SESN1: variants seen among roughly 807,000 people sequenced by gnomAD.
SESN1 encodes sestrin-1.
In SESN1, 30 loss-of-function variants were observed where a neutral mutation model predicts 59.3. That is an observed-to-expected ratio of 0.51 (90% CI 0.38 to 0.69). The LOEUF is 0.69. Among genes scored for constraint, SESN1 ranks in the 30% least tolerant of loss-of-function variants. The probability of loss-of-function intolerance (pLI) is 0.00; values close to 1 mark genes in which losing one functional copy is unlikely to be tolerated. For synonymous variants in SESN1, 197 were observed against 219.9 expected, an observed-to-expected ratio of 0.90 and a Z score of 0.92; for missense variants, 566 against 673.0, an observed-to-expected ratio of 0.84 and a Z score of 1.76.
intron 1 of SESN1, among the ~76,000 whole-genome samples, chr6:109,087,591 A>C (rs1781234746): frequency 6.6e-6 from 1 of 152,214 alleles, no homozygotes; most frequent in Admixed American, 6.5e-5. Context: ...AGAGAAGCTT[A>C]GTGTAAATAT....
intron 1 of SESN1, among the ~76,000 whole-genome samples, chr6:109,013,344 G>A (rs1178268044): frequency 6.6e-6 from 1 of 152,252 alleles, no homozygotes; most frequent in East Asian, 1.9e-4. Context: ...CAATGGGAAG[G>A]GAGAGAAGTG....
At chr6:109,006,953 GA>G (rs1309801815) in intron 1 of SESN1, among the ~76,000 whole-genome samples, 1 of 152,162 alleles carries the variant, frequency 6.6e-6, no homozygotes, top group Non-Finnish European at 1.5e-5. Flanking sequence ...GATTCTAGGA[GA>G]CAGAACTGCC....
At chr6:109,051,763 G>T (rs775605226) in intron 1 of SESN1, among the ~76,000 whole-genome samples, 1 of 152,248 alleles carries the variant, frequency 6.6e-6, no homozygotes, top group Admixed American at 6.5e-5. Context: ...CACAGTTCTG[G>T]AGGCTGGAAA....
chr6:109,024,934 C>T (rs1010047426), intron 1 of SESN1, among the ~76,000 whole-genome samples: 1 of 152,064 alleles, frequency 6.6e-6, no homozygotes, highest in Non-Finnish European at 1.5e-5. Context: ...TTAAAATGGC[C>T]GAACTGGCAA....
chr6:109,092,767 T>C (rs1781344375), intron 1 of SESN1, among the ~76,000 whole-genome samples: 1 of 152,194 alleles, frequency 6.6e-6, no homozygotes, highest in Non-Finnish European at 1.5e-5. Flanking sequence ...TTAATTCCTC[T>C]CGGGTAACTC....
At chr6:109,008,905 A>G in intron 1 of SESN1, 1 of 987,036 alleles carries the variant, frequency 1.0e-6, no homozygotes, top group Non-Finnish European at 1.2e-6. Context: ...TCTTTTAAGT[A>G]GGAGGCAAAG....
At chr6:109,048,363 C>T (rs1780485808) in intron 1 of SESN1, among the ~76,000 whole-genome samples, 1 of 152,188 alleles carries the variant, frequency 6.6e-6, no homozygotes, top group South Asian at 2.1e-4. Flanking sequence ...TTGAGATCTG[C>T]ACCACAGTAT....
chr6:108,988,776 G>T (rs761095661), intron 8 of SESN1, 89 bp from the exon 9 acceptor site: 2 of 1,041,178 alleles, frequency 1.9e-6, no homozygotes, highest in South Asian at 2.1e-5. Context: ...AGTTAATACT[G>T]TATTTTTTCT....
chr6:108,994,438 T>C lies in SESN1; in HGVS notation c.1120+24A>G, dbSNP rs1040284576. The C allele has an allele frequency of 3.9e-6, 6 of 1,554,320 alleles. No individual in the cohort carries two copies. In the African/African-American group the frequency reaches 6.9e-5, roughly 18 times the overall value. On this transcript the variant is annotated intron_variant, in intron 6 of 9. Coordinates refer to ENST00000436639, the MANE Select transcript of SESN1 (RefSeq NM_014454.3). ...AAAGTTGAGTTTGCAATAATTATAT[T>C]GACTATATAATGGTTGTTCTTACCT...
chr6:108,995,023 A>G (rs917497051), intron 5 of SESN1, among the ~76,000 whole-genome samples: 4 of 152,186 alleles, frequency 2.6e-5, no homozygotes, highest in African/African-American at 9.7e-5. Flanking sequence ...ATCTTAGTAG[A>G]ATATAGGGAA....
intron 1 of SESN1, among the ~76,000 whole-genome samples, chr6:109,040,573 A>T (rs1780323038): frequency 6.6e-6 from 1 of 151,994 alleles, no homozygotes; most frequent in Admixed American, 6.5e-5. Context: ...AAATTAAAAC[A>T]GGAATTCTTG....
At chr6:109,044,915 T>G (rs950854097) in intron 1 of SESN1, among the ~76,000 whole-genome samples, 6 of 151,782 alleles carry the variant, frequency 4.0e-5, no homozygotes, top group Non-Finnish European at 4.4e-5. Context: ...CTCAGCTACT[T>G]GGGCAGCTGA....
chr6:109,055,832 T>C (rs1435812737), intron 1 of SESN1, among the ~76,000 whole-genome samples: 2 of 152,174 alleles, frequency 1.3e-5, no homozygotes, highest in African/African-American at 4.8e-5. Flanking sequence ...TCTGTACTCA[T>C]TGTCCGTGAT....
At chr6:109,007,579 A>T (rs959388645) in intron 1 of SESN1, among the ~76,000 whole-genome samples, 1 of 152,186 alleles carries the variant, frequency 6.6e-6, no homozygotes, top group Non-Finnish European at 1.5e-5. Context: ...TGTTATATAA[A>T]AAGTGAAAGT....
intron 1 of SESN1, among the ~76,000 whole-genome samples, chr6:109,069,492 G>A (rs944860227): frequency 2.0e-5 from 3 of 151,924 alleles, no homozygotes; most frequent in African/African-American, 4.8e-5. Context: ...TGAGGTAAAA[G>A]TAAAAACATC....
At chr6:109,000,994 C>G (rs1458173423) in intron 3 of SESN1, among the ~76,000 whole-genome samples, 1 of 152,092 alleles carries the variant, frequency 6.6e-6, no homozygotes, top group Non-Finnish European at 1.5e-5. Flanking sequence ...TTATTTACAT[C>G]TTGAACAGGA....
intron 1 of SESN1, among the ~76,000 whole-genome samples, chr6:109,019,125 A>G (rs1779970000): frequency 6.6e-6 from 1 of 152,216 alleles, no homozygotes; most frequent in African/African-American, 2.4e-5. Context: ...GATACTATAT[A>G]CATCAGAATT....
intron 1 of SESN1, among the ~76,000 whole-genome samples, chr6:109,092,337 T>G (rs1446243642): frequency 6.6e-6 from 1 of 151,902 alleles, no homozygotes; most frequent in Non-Finnish European, 1.5e-5. Context: ...AGTAAAGGAG[T>G]GGAATTTGAG....
chr6:109,002,227 G>T, intron 2 of SESN1, 51 bp downstream of exon 2: 1 of 1,510,244 alleles, frequency 6.6e-7, no homozygotes, highest in Non-Finnish European at 9.2e-7. Context: ...GGTCATGAAA[G>T]CTCTTCCTTA....
Sources: gnomAD v4.1 joint callset for allele counts (sites outside exome capture counted in the v4.1 genomes callset) on GRCh38, gnomAD v4.1.1 for gene constraint, MANE v1.5 for transcripts, NCBI Gene and HGNC (gene_info 2026-07-23, HGNC 2026-07-21) for gene names.